IMMP2L: variants seen among roughly 807,000 people sequenced by gnomAD.
IMMP2L encodes mitochondrial inner membrane protease subunit 2.
Under a neutral mutation model 19.3 loss-of-function variants are expected in IMMP2L, and 18 were observed. That is an observed-to-expected ratio of 0.93 (90% confidence interval 0.64 to 1.38). The LOEUF is 1.38. Ranked by LOEUF, IMMP2L falls within the 40% of genes most tolerant of loss-of-function variation. IMMP2L has a pLI of 0.00. For missense variants in IMMP2L, 233 were observed against 218.2 expected (o/e 1.07, Z -0.43); for synonymous variants, 76 against 73.0 (o/e 1.04, Z -0.21).
chr7:110,983,531 C>T (rs544192787), intron 3 of IMMP2L, among the ~76,000 whole-genome samples: 3 of 152,134 alleles, frequency 2.0e-5, no homozygotes, highest in African/African-American at 4.8e-5. Flanking sequence ...CCAGGAGTCA[C>T]ATAAAAAATG....
chr7:111,175,738 C>A (rs1167192959), intron 3 of IMMP2L, among the ~76,000 whole-genome samples: 2 of 151,652 alleles, frequency 1.3e-5, no homozygotes, highest in Admixed American at 6.6e-5. Flanking sequence ...TAGAGTAATA[C>A]CCTACAATGG....
intron 2 of IMMP2L, among the ~76,000 whole-genome samples, chr7:111,517,843 T>TCCCCC (rs1414753892): frequency 1.3e-5 from 2 of 152,134 alleles, no homozygotes; most frequent in Non-Finnish European, 2.9e-5. Context: ...TAAAAGTGAT[T>TCCCCC]CATGTGCATG....
chr7:111,498,220 C>T (rs1177489488), intron 2 of IMMP2L, among the ~76,000 whole-genome samples: 2 of 152,014 alleles, frequency 1.3e-5, no homozygotes, highest in African/African-American at 4.8e-5. Flanking sequence ...AAAATACTAC[C>T]ATTAAATACG....
chr7:111,128,928 A>G (rs1801581454), intron 3 of IMMP2L, among the ~76,000 whole-genome samples: 1 of 152,334 alleles, frequency 6.6e-6, no homozygotes, highest in East Asian at 1.9e-4. Flanking sequence ...ATGAGAAGTG[A>G]ATTTCAAAAA....
chr7:110,826,811 A>C (rs1381331604), intron 5 of IMMP2L, among the ~76,000 whole-genome samples: 1 of 152,092 alleles, frequency 6.6e-6, no homozygotes, highest in Non-Finnish European at 1.5e-5. Flanking sequence ...CATTGTGCAC[A>C]TGTACCCTAG....
intron 4 of IMMP2L, among the ~76,000 whole-genome samples, chr7:110,891,938 T>A (rs554366041): frequency 1.3e-5 from 2 of 152,116 alleles, no homozygotes; most frequent in Non-Finnish European, 2.9e-5. Context: ...AAACAAGGAA[T>A]AGATAATATT....
intron 3 of IMMP2L, among the ~76,000 whole-genome samples, chr7:111,414,968 A>C: frequency 6.6e-6 from 1 of 151,786 alleles, no homozygotes; most frequent in East Asian, 1.9e-4. Context: ...TAAGTATGAT[A>C]GTTTTCACTC....
At chr7:110,951,124 T>C (rs1382725953) in intron 4 of IMMP2L, among the ~76,000 whole-genome samples, 2 of 149,212 alleles carry the variant, frequency 1.3e-5, no homozygotes, top group African/African-American at 4.9e-5. Flanking sequence ...CTGGGGGAGG[T>C]GGTGATGGGG....
At chr7:110,860,229 A>T (rs1807251105) in intron 5 of IMMP2L, among the ~76,000 whole-genome samples, 1 of 152,218 alleles carries the variant, frequency 6.6e-6, no homozygotes, top group African/African-American at 2.4e-5. Flanking sequence ...TTAAAAATTT[A>T]ATTTTAACTT....
At position 111,008,589 on chromosome 7, in the gene IMMP2L, A is replaced by G. The variant is rs1459501264; in HGVS notation, c.240-45024T>C. On this transcript the variant is annotated intron_variant, in intron 3 of 5. Transcript: ENST00000405709. Reference sequence around the variant, plus strand: ...TATGGCCACACACGTGCACACACACACACACAATGTTGCTGCTATTGTTTA... The same window carrying G: ...TATGGCCACACACGTGCACACACACGCACACAATGTTGCTGCTATTGTTTA... Among the ~76,000 whole-genome samples, 4 of 152,014 alleles carry G rather than the reference A, an allele frequency of 2.6e-5. No individual in the cohort carries two copies. In the East Asian group the frequency reaches 7.7e-4, roughly 29 times the overall value.
At chr7:110,862,936 C>T (rs1003044437) in intron 5 of IMMP2L, among the ~76,000 whole-genome samples, 1 of 152,014 alleles carries the variant, frequency 6.6e-6, no homozygotes, top group African/African-American at 2.4e-5. Flanking sequence ...ATTCAGATTC[C>T]TGAAGTTCAA....
chr7:110,802,380 T>G (rs1018784859), intron 5 of IMMP2L, among the ~76,000 whole-genome samples: 1 of 151,536 alleles, frequency 6.6e-6, no homozygotes, highest in Non-Finnish European at 1.5e-5. Context: ...CCTGTGTCTG[T>G]GTTGGTAAGT....
At position 111,544,604 on chromosome 7, in the gene IMMP2L, C is replaced by T. The variant is rs1314575542; in HGVS notation, c.-3+17247G>A. On this transcript the variant is annotated intron_variant, in intron 1 of 5. Coordinates refer to ENST00000405709, the MANE Select transcript of IMMP2L (RefSeq NM_032549.4). Reference sequence around the variant, plus strand: ...CACATTTACCTTTGGAATAATACGTCATCTGCTTTTTGTATTCTAGACATG... The same window carrying T: ...CACATTTACCTTTGGAATAATACGTTATCTGCTTTTTGTATTCTAGACATG... Among the ~76,000 whole-genome samples the T allele has an allele frequency of 2.6e-5, 4 of 152,072 alleles. No homozygotes were observed. The East Asian group carries it at 7.7e-4, about 29-fold the overall frequency.
chr7:110,914,898 C>A (rs1264563306), intron 4 of IMMP2L, among the ~76,000 whole-genome samples: 1 of 152,104 alleles, frequency 6.6e-6, no homozygotes, highest in Non-Finnish European at 1.5e-5. Flanking sequence ...CACAACATAG[C>A]ACCTCATACC....
chr7:111,087,322 G>A (rs1180695757), intron 3 of IMMP2L, among the ~76,000 whole-genome samples: 5 of 151,944 alleles, frequency 3.3e-5, no homozygotes, highest in South Asian at 2.1e-4. Context: ...GGTGGCACGC[G>A]CCTATAGTCC....
chr7:110,736,397 T>C (rs1796638971), intron 5 of IMMP2L, among the ~76,000 whole-genome samples: 1 of 152,076 alleles, frequency 6.6e-6, no homozygotes, highest in South Asian at 2.1e-4. Flanking sequence ...AAATATCCAG[T>C]AAAGCTGTGT....
Position 111,489,961 on chromosome 7 carries a change from C to T in IMMP2L, c.136-2620G>A, listed in dbSNP as rs149570277. On this transcript the variant is annotated intron_variant, in intron 2 of 5. Transcript: ENST00000405709. ...TACAGGTGTGCGCCACTATGCCCAG[C>T]TAATTTTTGTATTTTTAGTAGAGAC... 5.6e-3 allele frequency among the ~76,000 whole-genome samples: 854 copies of T among 152,024 alleles called. 13 individuals carry two copies. The highest frequency in any genetic ancestry group is 0.019 in the African/African-American group (788 of 41,482).
chr7:110,810,203 T>C (rs559952187), intron 5 of IMMP2L, among the ~76,000 whole-genome samples: 20 of 152,226 alleles, frequency 1.3e-4, no homozygotes, highest in East Asian at 9.7e-4. Context: ...AACAGTACAA[T>C]GGCTGCATTT....
intron 5 of IMMP2L, among the ~76,000 whole-genome samples, chr7:110,846,410 G>T (rs1585013172): frequency 1.4e-5 from 2 of 147,606 alleles, no homozygotes; most frequent in Non-Finnish European, 3.0e-5. Context: ...TCGTCACCCA[G>T]GCTGGAGTGC....
Sources: gnomAD v4.1 joint callset for allele counts (sites outside exome capture counted in the v4.1 genomes callset) on GRCh38, gnomAD v4.1.1 for gene constraint, MANE v1.5 for transcripts, NCBI Gene and HGNC (gene_info 2026-07-23, HGNC 2026-07-21) for gene names.